The following THSD4 variants were observed in gnomAD, a reference collection of about 807,000 sequenced individuals.
THSD4 encodes the protein thrombospondin type 1 domain containing 4, also known as thrombospondin type-1 domain-containing protein 4.
A neutral mutation model predicts 119.0 loss-of-function variants in THSD4; 69 were observed. The ratio of observed to expected loss-of-function variants is 0.58; its 90% CI spans 0.48 to 0.71. The LOEUF (loss-of-function observed/expected upper bound fraction) is 0.71, where lower values mean the gene tolerates loss of function less well. THSD4 is among the 30% of genes least tolerant of loss of function. The pLI is 0.00. For synonymous variants in THSD4, 524 were observed against 540.4 expected, an observed-to-expected ratio of 0.97 and a Z score of 0.42; for missense variants, 1,393 against 1,391.1, an observed-to-expected ratio of 1.00 and a Z score of -0.02.
intron 6 of THSD4, among the ~76,000 whole-genome samples, chr15:71,343,995 G>A (rs1042886712): frequency 1.3e-5 from 2 of 151,640 alleles, no homozygotes; most frequent in African/African-American, 4.8e-5. Flanking sequence ...GGTGGGGTGG[G>A]GGTGGGGGTT....
chr15:71,139,871 TTTCCC>T (rs529156659), intron 1 of THSD4, among the ~76,000 whole-genome samples: 2 of 152,240 alleles, frequency 1.3e-5, no homozygotes, highest in Non-Finnish European at 2.9e-5. Flanking sequence ...TTCATTTGTC[TTTCCC>T]TTCAAGGAGT....
At chr15:71,589,042 C>CT (rs1567050513) in intron 7 of THSD4, among the ~76,000 whole-genome samples, 1 of 152,020 alleles carries the variant, frequency 6.6e-6, no homozygotes, top group South Asian at 2.1e-4. Context: ...TTTGTGCTTT[C>CT]TTTTTTTGCT....
chr15:71,203,975 C>T (rs1212904801), intron 3 of THSD4, among the ~76,000 whole-genome samples: 1 of 152,186 alleles, frequency 6.6e-6, no homozygotes. Flanking sequence ...CCCGAATCAG[C>T]CTCTGGGTCC....
intron 7 of THSD4, among the ~76,000 whole-genome samples, chr15:71,456,988 AGAACTTTGTCTCATTGAGAGAACTTGT>A (rs1387897566): frequency 6.6e-6 from 1 of 151,960 alleles, no homozygotes; most frequent in Non-Finnish European, 1.5e-5. Flanking sequence ...TCTCATTGAG[AGAACTTTGTCTCATTGAGAGAACTTGT>A]GAACTTTGTC....
At chr15:71,533,105 C>A (rs2048640145) in intron 7 of THSD4, among the ~76,000 whole-genome samples, 1 of 152,206 alleles carries the variant, frequency 6.6e-6, no homozygotes, top group African/African-American at 2.4e-5. Flanking sequence ...ATAAAATAAC[C>A]TCTAGATGGA....
chr15:71,443,091 C>G (rs1016060005), intron 7 of THSD4, among the ~76,000 whole-genome samples: 6 of 152,074 alleles, frequency 3.9e-5, no homozygotes, highest in Admixed American at 2.0e-4. Flanking sequence ...AGCAGAGAGA[C>G]AGTGAAACAA....
chr15:71,619,168 CACCA>C (rs1314488532), intron 7 of THSD4, among the ~76,000 whole-genome samples: 2 of 151,918 alleles, frequency 1.3e-5, no homozygotes, highest in East Asian at 3.9e-4. Flanking sequence ...GATGGGGTTT[CACCA>C]TGTTGGCCAG....
intron 2 of THSD4, among the ~76,000 whole-genome samples, chr15:71,154,214 C>T (rs1375444840): frequency 6.6e-6 from 1 of 152,234 alleles, no homozygotes; most frequent in African/African-American, 2.4e-5. Flanking sequence ...TCCATGCCCT[C>T]TCCAGCACAC....
rs1198028055 is a variant in THSD4 at position 71,115,605 on chromosome 15, T to TGCGGCGGCGCTCGGGGCTGC, written c.-172_-153dup. 1.4e-5 allele frequency: 2 copies of TGCGGCGGCGCTCGGGGCTGC among 147,428 alleles called. 1 individual carries two copies. The highest frequency in any genetic ancestry group is 3.0e-5 in the Non-Finnish European group (2 of 66,208). 9.1% of individuals were successfully genotyped at this position (147,428 alleles called of 1,614,324 possible). A position where few individuals can be genotyped will look rare whatever the true frequency, so the allele number is the denominator to read the frequency against. On this transcript the variant is annotated 5_prime_UTR_variant, in exon 1 of 18. It removes the in-frame stop codon of an upstream open reading frame in the 5' UTR. Coordinates refer to ENST00000261862, the MANE Select transcript of THSD4 (RefSeq NM_024817.3). This position sits in a 1 kb window ranked among gnomAD's most constrained non-coding sequence, Gnocchi z 4.4. ...GCTGGGCGGCGGTGGCGGCCGTCCATGCGGCGGCGCTCGGGGCTGCCCGGC... is the reference window on the plus strand; with the variant it reads ...GCTGGGCGGCGGTGGCGGCCGTCCATGCGGCGGCGCTCGGGGCTGCGCGGCGGCGCTCGGGGCTGCCCGGC...
At chr15:71,394,598 G>A (rs965672679) in intron 6 of THSD4, among the ~76,000 whole-genome samples, 35 of 152,072 alleles carry the variant, frequency 2.3e-4, no homozygotes, top group African/African-American at 5.6e-4. Flanking sequence ...TCCTCCTGCC[G>A]CAGAGCATGT....
chr15:71,260,661 C>G (rs1371016972), intron 6 of THSD4, among the ~76,000 whole-genome samples: 1 of 152,132 alleles, frequency 6.6e-6, no homozygotes, highest in Non-Finnish European at 1.5e-5. Flanking sequence ...CCCTGCCTTT[C>G]TCATCTTTCT....
intron 6 of THSD4, among the ~76,000 whole-genome samples, chr15:71,382,455 T>C (rs2046240640): frequency 6.6e-6 from 1 of 152,180 alleles, no homozygotes; most frequent in Non-Finnish European, 1.5e-5. Flanking sequence ...ATAAAATTCC[T>C]TTTATAATAC....
intron 7 of THSD4, among the ~76,000 whole-genome samples, chr15:71,490,238 AAC>A (rs1460872888): frequency 6.6e-6 from 1 of 152,018 alleles, no homozygotes; most frequent in African/African-American, 2.4e-5. Context: ...CAGTCTGGCC[AAC>A]ACAGTGAAGT....
chr15:71,442,267 T>C (rs372945462), intron 7 of THSD4, among the ~76,000 whole-genome samples: 3 of 151,382 alleles, frequency 2.0e-5, no homozygotes, highest in East Asian at 4.1e-4. Context: ...CCCTTGTTGC[T>C]ATCCAAAGGA....
intron 8 of THSD4, among the ~76,000 whole-genome samples, chr15:71,678,085 T>G (rs1292214681): frequency 2.0e-5 from 3 of 152,214 alleles, no homozygotes; most frequent in African/African-American, 7.2e-5. Flanking sequence ...GAGAATCCAT[T>G]ATCTGCAAGT....
chr15:71,567,602 C>CA lies in THSD4; in HGVS notation c.1153-92928_1153-92927insA, dbSNP rs1555427640. Among the ~76,000 whole-genome samples the CA allele has an allele frequency of 2.4e-4, 34 of 142,616 alleles. 1 individual carries two copies. Among genetic ancestry groups the CA allele is most frequent in the Admixed American group, 4.3e-4 (6 of 13,980 alleles). The allele number at this position is 142,616 out of a possible 152,430, so 93.6% of individuals were successfully genotyped here. A position where few individuals can be genotyped will look rare whatever the true frequency, so the allele number is the denominator to read the frequency against. Reference sequence around the variant, plus strand: ...CCTGGACAAGAACAAAGACACCCCCCCACACACACACACACACACATGAAA... The same window carrying CA: ...CCTGGACAAGAACAAAGACACCCCCCACACACACACACACACACACATGAAA... On this transcript the variant is annotated intron_variant, in intron 7 of 17. Transcript: ENST00000261862.
At chr15:71,308,449 A>C (rs1278317037) in intron 6 of THSD4, among the ~76,000 whole-genome samples, 1 of 151,562 alleles carries the variant, frequency 6.6e-6, no homozygotes, top group Non-Finnish European at 1.5e-5. Flanking sequence ...TTGGTTTGAA[A>C]GATCAGGAGA....
intron 6 of THSD4, among the ~76,000 whole-genome samples, chr15:71,367,341 G>A (rs538568882): frequency 1.3e-5 from 2 of 151,898 alleles, no homozygotes; most frequent in South Asian, 2.1e-4. Flanking sequence ...TGTGCACAAC[G>A]TGCAGGTTTG....
At chr15:71,677,756 A>G (rs569365725) in intron 8 of THSD4, among the ~76,000 whole-genome samples, 2 of 152,260 alleles carry the variant, frequency 1.3e-5, no homozygotes, top group East Asian at 3.9e-4. Context: ...CTGTTTGTAC[A>G]TGGATTTGTC....
Sources: gnomAD v4.1 joint callset for allele counts (sites outside exome capture counted in the v4.1 genomes callset) on GRCh38, gnomAD v4.1.1 for gene constraint, Gnocchi (gnomAD v3.1) non-coding constraint, MANE v1.5 for transcripts, NCBI Gene and HGNC (gene_info 2026-07-23, HGNC 2026-07-21) for gene names.